SNTG1: variants seen among roughly 807,000 people sequenced by gnomAD.
SNTG1 encodes the protein gamma-1-syntrophin.
SNTG1 carries 39 observed loss-of-function variants against 74.7 expected under a neutral mutation model. That is an observed-to-expected ratio of 0.52 (90% CI 0.40 to 0.68). The LOEUF is 0.68. Ranked by LOEUF, SNTG1 falls within the 30% of genes least tolerant of loss-of-function variation. The pLI, the probability that SNTG1 is intolerant of heterozygous loss-of-function variation, is 0.00. For synonymous variants in SNTG1, 254 were observed against 217.1 expected (o/e 1.17, Z -1.49); for missense variants, 685 against 609.5 (o/e 1.12, Z -1.30).
chr8:50,406,488 A>C (rs1404311820), intron 4 of SNTG1, among the ~76,000 whole-genome samples: 1 of 152,174 alleles, frequency 6.6e-6, no homozygotes, highest in South Asian at 2.1e-4. Context: ...GATTCAAGAT[A>C]AGTTTACTTA....
chr8:50,659,319 T>C (rs1394682351), intron 15 of SNTG1, among the ~76,000 whole-genome samples: 1 of 152,162 alleles, frequency 6.6e-6, no homozygotes, highest in Non-Finnish European at 1.5e-5. Flanking sequence ...GACTAATATA[T>C]ATTCACTTTC....
intron 2 of SNTG1, among the ~76,000 whole-genome samples, chr8:50,326,417 C>A (rs1006448186): frequency 2.0e-5 from 3 of 151,932 alleles, no homozygotes; most frequent in African/African-American, 7.2e-5. Context: ...TGAGTTCTGG[C>A]AAATTGTATC....
intron 13 of SNTG1, among the ~76,000 whole-genome samples, chr8:50,655,603 T>C (rs547755376): frequency 6.6e-6 from 1 of 152,320 alleles, no homozygotes; most frequent in African/African-American, 2.4e-5. Context: ...TCAGGGACTT[T>C]ATAGCTCATA....
chr8:50,563,648 G>A (rs907997332), intron 12 of SNTG1, among the ~76,000 whole-genome samples: 1 of 152,052 alleles, frequency 6.6e-6, no homozygotes, highest in African/African-American at 2.4e-5. Context: ...AAAATACAGT[G>A]TAGCAGAGCA....
At chr8:50,568,252 T>TGTGTGC (rs1563587348) in intron 12 of SNTG1, among the ~76,000 whole-genome samples, 3 of 152,062 alleles carry the variant, frequency 2.0e-5, no homozygotes, top group African/African-American at 7.2e-5. Flanking sequence ...TGTGTGTGTG[T>TGTGTGC]GCTATCTATT....
At chr8:50,347,625 A>G (rs1446733955) in intron 2 of SNTG1, among the ~76,000 whole-genome samples, 1 of 152,226 alleles carries the variant, frequency 6.6e-6, no homozygotes. Context: ...TGGATCTGGG[A>G]AAAGTAAGTT....
intron 9 of SNTG1, among the ~76,000 whole-genome samples, chr8:50,517,616 C>CAAAAAAAA (rs1161724778): frequency 2.2e-4 from 14 of 62,340 alleles, no homozygotes; most frequent in Admixed American, 4.0e-4. Context: ...AAATGGAAAG[C>CAAAAAAAA]AAAAAAAAAA....
intron 1 of SNTG1, among the ~76,000 whole-genome samples, chr8:50,165,544 A>C (rs879848355): frequency 4.6e-5 from 7 of 152,198 alleles, no homozygotes; most frequent in Non-Finnish European, 5.9e-5. Context: ...AATATTGCTT[A>C]ATTTAAGTGA....
chr8:50,059,507 A>C (rs1293052132), intron 1 of SNTG1, among the ~76,000 whole-genome samples: 2 of 152,074 alleles, frequency 1.3e-5, no homozygotes, highest in African/African-American at 4.8e-5. Context: ...CATTTATCCA[A>C]TTCCTCAAGC....
intron 2 of SNTG1, among the ~76,000 whole-genome samples, chr8:50,259,911 G>A (rs539913497): frequency 6.6e-6 from 1 of 152,138 alleles, no homozygotes; most frequent in Non-Finnish European, 1.5e-5. Context: ...AACCGAAGCT[G>A]TAATTGATAA....
chr8:50,552,974 T>C, intron 11 of SNTG1, 76 bp from the exon 12 acceptor site: 3 of 1,549,844 alleles, frequency 1.9e-6, no homozygotes, highest in Non-Finnish European at 1.8e-6. Flanking sequence ...GATAAGCTTT[T>C]CAACAGATAC....
intron 13 of SNTG1, among the ~76,000 whole-genome samples, chr8:50,619,496 C>T (rs545964366): frequency 1.3e-5 from 2 of 152,184 alleles, no homozygotes; most frequent in East Asian, 1.9e-4. Context: ...CTTTGGGAGG[C>T]CGAGGCGGGC....
chr8:50,637,120 T>G (rs1013206006), intron 13 of SNTG1, among the ~76,000 whole-genome samples: 2 of 152,210 alleles, frequency 1.3e-5, no homozygotes, highest in African/African-American at 4.8e-5. Context: ...CATGGTCATA[T>G]CTACCTGCAA....
At chr8:50,632,288 TA>T (rs1028241026) in intron 13 of SNTG1, among the ~76,000 whole-genome samples, 2 of 140,350 alleles carry the variant, frequency 1.4e-5, no homozygotes, top group African/African-American at 5.2e-5. Flanking sequence ...TTTTTAATTT[TA>T]TTTATTTATT....
intron 9 of SNTG1, among the ~76,000 whole-genome samples, chr8:50,519,826 A>T: frequency 6.6e-6 from 1 of 152,220 alleles, no homozygotes; most frequent in East Asian, 1.9e-4. Context: ...TTTGAAAAAC[A>T]TTCCATGTTC....
intron 2 of SNTG1, among the ~76,000 whole-genome samples, chr8:50,287,823 A>G (rs1427194128): frequency 1.3e-5 from 2 of 152,110 alleles, no homozygotes; most frequent in Non-Finnish European, 2.9e-5. Context: ...ATTCCATACC[A>G]TGTTTTAAAA....
At chr8:50,754,600 G>A (rs537333797) in intron 18 of SNTG1, among the ~76,000 whole-genome samples, 1 of 151,846 alleles carries the variant, frequency 6.6e-6, no homozygotes, top group African/African-American at 2.4e-5. Context: ...AATTGTGCTA[G>A]AGGTTTTTCA....
chr8:50,686,823 A>C (rs898691689), intron 15 of SNTG1, among the ~76,000 whole-genome samples: 7 of 152,182 alleles, frequency 4.6e-5, no homozygotes, highest in African/African-American at 1.7e-4. Context: ...AATAGCAAAA[A>C]TTGCATGACC....
chr8:50,691,029 T>C (rs1040848762), intron 15 of SNTG1, among the ~76,000 whole-genome samples: 2 of 152,228 alleles, frequency 1.3e-5, no homozygotes, highest in African/African-American at 4.8e-5. Flanking sequence ...TTTTGATCTT[T>C]GTTGGTTTAA....
Sources: gnomAD v4.1 joint callset for allele counts (sites outside exome capture counted in the v4.1 genomes callset) on GRCh38, gnomAD v4.1.1 for gene constraint, MANE v1.5 for transcripts, NCBI Gene and HGNC (gene_info 2026-07-23, HGNC 2026-07-21) for gene names.